The following RGS3 variants were observed in gnomAD, a reference collection of about 807,000 sequenced individuals.
RGS3 encodes the protein regulator of G-protein signalling 3.
A neutral mutation model predicts 132.6 loss-of-function variants in RGS3; 80 were observed. That is an observed-to-expected ratio of 0.60 (90% confidence interval 0.50 to 0.73). The LOEUF (loss-of-function observed/expected upper bound fraction) is 0.73. RGS3 is among the 30% of genes least tolerant of loss of function. The pLI, the probability that RGS3 is intolerant of heterozygous loss-of-function variation, is 0.00. For synonymous variants in RGS3, 598 were observed against 620.6 expected (o/e 0.96, Z 0.54); for missense variants, 1,382 against 1,530.8 (o/e 0.90, Z 1.62).
upstream of RGS3, among the ~76,000 whole-genome samples, chr9:113,455,553 G>GT (rs1829346744): frequency 6.6e-6 from 1 of 152,160 alleles, no homozygotes; most frequent in African/African-American, 2.4e-5. Flanking sequence ...GGTGGTGAAG[G>GT]TTTGGTCTCT....
upstream of RGS3, among the ~76,000 whole-genome samples, chr9:113,458,643 A>G (rs1021735469): frequency 2.0e-5 from 3 of 152,230 alleles, no homozygotes; most frequent in African/African-American, 7.2e-5. Flanking sequence ...GAAATATTAC[A>G]TGGATTATTT....
rs898997135 is a variant in RGS3, at chr9:113,463,716, C to T, written c.415+1515C>T. On this transcript the variant is annotated intron_variant, in intron 3 of 24. Transcript: ENST00000350696. The surrounding 1 kb of genome is among the most constrained non-coding windows in gnomAD (Gnocchi z 4.6). ...GGCAGCCCTACCTCCCGCTCGCGCT[C>T]CTCCCGCCCTGGAGACTCCGGTTAC... 10 of 1,471,616 alleles carry T rather than the reference C, an allele frequency of 6.8e-6. No individual in the cohort carries two copies. In the African/African-American group the frequency reaches 1.1e-4, roughly 17 times the overall value. 91.2% of individuals were successfully genotyped at this position (1,471,616 alleles called of 1,614,324 possible). A position where few individuals can be genotyped will look rare whatever the true frequency, so the allele number is the denominator to read the frequency against.
chr9:113,554,015 G>T (rs149888316), intron 19 of RGS3, among the ~76,000 whole-genome samples: 25 of 152,330 alleles, frequency 1.6e-4, no homozygotes, highest in African/African-American at 5.8e-4. Context: ...TCTGTTAGGA[G>T]AGAGTGTGGC....
rs1473272644 is a variant in RGS3 at position 113,537,731 on chromosome 9, T to A, written c.2037+813T>A. On this transcript the variant is annotated intron_variant, in intron 19 of 24. Transcript: ENST00000350696. This position sits in a 1 kb window ranked among gnomAD's most constrained non-coding sequence, Gnocchi z 4.3. ...TGAAAGAAAGCTGCAGCCTGTAACT[T>A]GCTGGCCTTTTCACTTCTCCCTGGT... Among the ~76,000 whole-genome samples the A allele has an allele frequency of 6.6e-6, 1 of 152,190 alleles. No homozygotes were observed. The highest frequency in any genetic ancestry group is 2.4e-5 in the African/African-American group (1 of 41,440).
At chr9:113,586,501 A>G (rs1052264065) in intron 20 of RGS3, among the ~76,000 whole-genome samples, 3 of 152,170 alleles carry the variant, frequency 2.0e-5, no homozygotes, top group Non-Finnish European at 2.9e-5. Context: ...TGGGTGCCCA[A>G]GGTTCCCACT....
exon 7 of RGS3, chr9:113,485,678 G>A: frequency 6.3e-7 from 1 of 1,591,944 alleles, no homozygotes; most frequent in African/African-American, 1.3e-5. Flanking sequence ...GTGTGGAACA[G>A]GGCCAGCCAG....
chr9:113,460,185 T>G (rs922255523), upstream of RGS3: 1 of 1,201,092 alleles, frequency 8.3e-7, no homozygotes, highest in South Asian at 1.4e-5. Flanking sequence ...TGAAGTTTAT[T>G]TTTTTGAGGA....
At position 113,565,226 on chromosome 9, in the gene RGS3, G is replaced by T. The variant is rs1017500431; in HGVS notation, c.2038-18224G>T. 1.8e-4 allele frequency: 226 copies of T among 1,279,538 alleles called. 2 individuals are homozygous for T. The highest frequency in any genetic ancestry group is 7.8e-4 in the South Asian group (62 of 79,278). The allele number at this position is 1,279,538 out of a possible 1,614,324, so 79.3% of individuals were successfully genotyped here. A position where few individuals can be genotyped will look rare whatever the true frequency, so the allele number is the denominator to read the frequency against. The stretch of plus-strand genomic sequence containing the variant: ...GCGGGGTGGGCAGAAGGACGGGCTG[G>T]CCCAGGACCCTCTTCTTTGAGACAT... On this transcript the variant is annotated intron_variant, in intron 19 of 24. Coordinates refer to ENST00000350696, the Ensembl canonical transcript of RGS3. This position sits in a 1 kb window ranked among gnomAD's most constrained non-coding sequence, Gnocchi z 5.7.
intron 7 of RGS3, among the ~76,000 whole-genome samples, chr9:113,495,435 T>C (rs1391850901): frequency 1.3e-5 from 2 of 152,314 alleles, no homozygotes; most frequent in Admixed American, 6.5e-5. Context: ...ACCAATGATG[T>C]GGGCAAGGAG....
At chr9:113,467,354 A>G (rs1829676620) in intron 3 of RGS3, among the ~76,000 whole-genome samples, 1 of 152,188 alleles carries the variant, frequency 6.6e-6, no homozygotes, top group South Asian at 2.1e-4. Flanking sequence ...TCAGCTGTGT[A>G]TATGGGTTTT....
chr9:113,517,801 T>C (rs929143820), intron 16 of RGS3, among the ~76,000 whole-genome samples, 177 bp downstream of exon 14: 1 of 152,174 alleles, frequency 6.6e-6, no homozygotes, highest in Non-Finnish European at 1.5e-5. Flanking sequence ...CTTTTTCTTG[T>C]ACATCTCCTT....
chr9:113,505,471 T>C (rs1388051299), exon 11 of RGS3: 1 of 1,614,150 alleles, frequency 6.2e-7, no homozygotes, highest in South Asian at 1.1e-5. Context: ...AGGACGGCTT[T>C]GGCTTCACCA....
In RGS3 at chr9:113,583,444, T is replaced by A. The variant is rs1359256496; in HGVS notation, c.2038-6T>A. 5 of 1,613,916 alleles carry A rather than the reference T, an allele frequency of 3.1e-6. No individual in the cohort carries two copies. The highest frequency in any genetic ancestry group is 4.2e-6 in the Non-Finnish European group (5 of 1,180,006). ...GAACTGTTCTTGTTTTCTTTTTGTT[T>A]CCCAGATGTTTGAGACGGAGGCAGA... is the stretch of plus-strand genomic sequence containing the variant. On this transcript the variant is annotated splice_region_variant and splice_polypyrimidine_tract_variant and intron_variant, in intron 19 of 24. Transcript: ENST00000350696.
At chr9:113,554,271 A>C (rs1397365270) in intron 19 of RGS3, among the ~76,000 whole-genome samples, 2 of 152,198 alleles carry the variant, frequency 1.3e-5, no homozygotes, top group African/African-American at 4.8e-5. Flanking sequence ...TTTAATCTTA[A>C]TTGACATTTA....
At chr9:113,526,913 C>T (rs1187145001) in intron 17 of RGS3, among the ~76,000 whole-genome samples, 1 of 152,188 alleles carries the variant, frequency 6.6e-6, no homozygotes, top group Non-Finnish European at 1.5e-5. Context: ...CTAGAAGGGG[C>T]AGAATTTCTC....
chr9:113,471,260 G>T (rs888819348), intron 3 of RGS3, among the ~76,000 whole-genome samples: 1 of 151,896 alleles, frequency 6.6e-6, no homozygotes, highest in Non-Finnish European at 1.5e-5. Context: ...TTCTTGGTGG[G>T]CCCTGGTCCC....
intron 19 of RGS3, among the ~76,000 whole-genome samples, chr9:113,544,194 T>C (rs1372785893): frequency 6.6e-6 from 1 of 152,170 alleles, no homozygotes; most frequent in Non-Finnish European, 1.5e-5. Flanking sequence ...GCTGGGAAGA[T>C]GGGAGCACAA....
intron 3 of RGS3, among the ~76,000 whole-genome samples, chr9:113,473,543 C>T (rs888171508): frequency 8.5e-5 from 13 of 152,060 alleles, no homozygotes; most frequent in Non-Finnish European, 1.6e-4. Flanking sequence ...CCACCACGTC[C>T]GGCTAATTTT....
chr9:113,542,434 G>A (rs1373606759), intron 19 of RGS3, among the ~76,000 whole-genome samples: 1 of 152,212 alleles, frequency 6.6e-6, no homozygotes, highest in African/African-American at 2.4e-5. Flanking sequence ...CACATAGGAG[G>A]GGCCCAAGTG....
Sources: gnomAD v4.1 joint callset for allele counts (sites outside exome capture counted in the v4.1 genomes callset) on GRCh38, gnomAD v4.1.1 for gene constraint, Gnocchi (gnomAD v3.1) non-coding constraint, MANE v1.5 for transcripts, NCBI Gene and HGNC (gene_info 2026-07-23, HGNC 2026-07-21) for gene names.